CRACD: variants seen among roughly 807,000 people sequenced by gnomAD.
The protein encoded by CRACD is capping protein inhibiting regulator of actin dynamics.
A neutral mutation model predicts 106.8 loss-of-function variants in CRACD; 56 were observed. The ratio of observed to expected loss-of-function variants is 0.52; its 90% confidence interval spans 0.42 to 0.66. The LOEUF is 0.66. Among genes scored for constraint, CRACD ranks in the 30% least tolerant of loss-of-function variants. The pLI, the probability that CRACD is intolerant of heterozygous loss-of-function variation, is 0.00. For synonymous variants in CRACD, 754 were observed against 670.8 expected (o/e 1.12, Z -1.92); for missense variants, 1,730 against 1,623.2 (o/e 1.07, Z -1.13).
At chr4:56,140,610 C>G (rs35602914) in intron 1 of CRACD, among the ~76,000 whole-genome samples, 44,087 of 151,966 alleles carry the variant, frequency 0.29, 6,451 homozygotes, top group Middle Eastern at 0.35. Flanking sequence ...TGCACACAGA[C>G]ATACCTATTC....
intron 1 of CRACD, among the ~76,000 whole-genome samples, chr4:56,087,623 G>A (rs939309803): frequency 5.3e-5 from 8 of 152,074 alleles, no homozygotes; most frequent in African/African-American, 1.9e-4. Context: ...TTGCTGCCAA[G>A]TGTGCATCAC....
At chr4:56,067,787 A>G (rs1306648115) in intron 1 of CRACD, among the ~76,000 whole-genome samples, 2 of 152,042 alleles carry the variant, frequency 1.3e-5, no homozygotes, top group Admixed American at 6.6e-5. Context: ...TGTTGGCCAG[A>G]CTAGACCCGA....
At chr4:56,110,621 G>A (rs367572593) in intron 1 of CRACD, among the ~76,000 whole-genome samples, 3 of 151,714 alleles carry the variant, frequency 2.0e-5, no homozygotes, top group African/African-American at 7.3e-5. Context: ...TTTTGAGACA[G>A]GGTCTCATTC....
At chr4:56,273,522 CTTT>C (rs1376623537) in intron 3 of CRACD, among the ~76,000 whole-genome samples, 1 of 152,032 alleles carries the variant, frequency 6.6e-6, no homozygotes, top group East Asian at 1.9e-4. Context: ...TCAGGAAGTA[CTTT>C]CTTACCTGAG....
chr4:56,167,610 G>A (rs1577706528), intron 1 of CRACD, among the ~76,000 whole-genome samples: 1 of 152,118 alleles, frequency 6.6e-6, no homozygotes, highest in Non-Finnish European at 1.5e-5. Flanking sequence ...GCAATAATAC[G>A]TGGTATTTGT....
rs6829500 is a variant in CRACD at position 56,313,434 on chromosome 4, A to C, written c.537+55A>C. 4.0e-3 allele frequency: 5,966 copies of C among 1,508,946 alleles called. 165 individuals are homozygous for C. In the African/African-American group the frequency reaches 0.064, roughly 16 times the overall value. The allele number at this position is 1,508,946 out of a possible 1,614,324, so 93.5% of individuals were successfully genotyped here. On this transcript the variant is annotated intron_variant, in intron 7 of 10. Coordinates refer to ENST00000682029, the MANE Select transcript of CRACD (RefSeq NM_001393381.1). ...CAGGTGCCCTTGCCTACTGGGCACT[A>C]ATTCTACAAGTGGGTTGGCATTGGG...
intron 1 of CRACD, among the ~76,000 whole-genome samples, chr4:56,067,764 TG>T (rs1229889289): frequency 1.3e-5 from 2 of 152,028 alleles, no homozygotes; most frequent in East Asian, 3.9e-4. Flanking sequence ...TTAGTAGAGA[TG>T]GGGTTTCACC....
In CRACD at chr4:56,092,668, C is replaced by CAT. The variant is rs1733460739; in HGVS notation, c.-336+43371_-336+43372dup. ...CCCAGGCTGGAGTGCAGTGTGTGAT[C>CAT]ATACATCGTTGTAGCCTTAAACTCT... On this transcript the variant is annotated intron_variant, in intron 1 of 10. Transcript: ENST00000682029. Among the ~76,000 whole-genome samples, 3 of 152,064 alleles carry CAT rather than the reference C, an allele frequency of 2.0e-5. No individual in the cohort carries two copies. The South Asian group carries it at 6.2e-4, about 32-fold the overall frequency.
chr4:56,130,778 C>T (rs1734802028), intron 1 of CRACD, among the ~76,000 whole-genome samples: 1 of 151,888 alleles, frequency 6.6e-6, no homozygotes, highest in Admixed American at 6.6e-5. Context: ...TTACATTTTC[C>T]TTCTATTCCA....
chr4:56,088,727 C>T (rs1030721375), intron 1 of CRACD, among the ~76,000 whole-genome samples: 8 of 147,310 alleles, frequency 5.4e-5, no homozygotes, highest in Non-Finnish European at 1.1e-4. Flanking sequence ...ATATACTGTA[C>T]TTTTTTTTTT....
intron 1 of CRACD, among the ~76,000 whole-genome samples, chr4:56,112,187 G>A (rs909984372): frequency 1.3e-5 from 2 of 152,122 alleles, no homozygotes; most frequent in African/African-American, 2.4e-5. Flanking sequence ...TGCTTGCTTC[G>A]TGCAACGAAG....
chr4:56,230,125 A>G (rs1043569324), intron 2 of CRACD, among the ~76,000 whole-genome samples: 1 of 152,188 alleles, frequency 6.6e-6, no homozygotes, highest in Non-Finnish European at 1.5e-5. Flanking sequence ...TGCCCTGGGC[A>G]GGAAGAACTT....
At chr4:56,148,809 ATT>A (rs201226509) in intron 1 of CRACD, among the ~76,000 whole-genome samples, 5 of 142,762 alleles carry the variant, frequency 3.5e-5, no homozygotes, top group East Asian at 2.0e-4. Flanking sequence ...TTATCCTTAG[ATT>A]TTTTTTTTTT....
chr4:56,195,797 A>G (rs1234319824), intron 2 of CRACD, among the ~76,000 whole-genome samples: 1 of 152,182 alleles, frequency 6.6e-6, no homozygotes, highest in Non-Finnish European at 1.5e-5. Flanking sequence ...TGTTTTATCA[A>G]CCTGTTCTCT....
rs537840665 is a variant in CRACD at position 56,114,637 on chromosome 4, A to T, written c.-335-64647A>T. 3.3e-5 allele frequency among the ~76,000 whole-genome samples: 5 copies of T among 152,240 alleles called. No individual in the cohort carries two copies. In the East Asian group the frequency reaches 5.8e-4, roughly 18 times the overall value. ...GGGGCACTATTTCAAACTGTAGGGC[A>T]GGACTCATTAGAGGTGCATAATCAA... On this transcript the variant is annotated intron_variant, in intron 1 of 10. Coordinates refer to ENST00000682029, the MANE Select transcript of CRACD (RefSeq NM_001393381.1).
intron 2 of CRACD, among the ~76,000 whole-genome samples, chr4:56,229,093 T>C (rs1739472543): frequency 6.6e-6 from 1 of 152,210 alleles, no homozygotes; most frequent in Non-Finnish European, 1.5e-5. Flanking sequence ...AAGATTATGC[T>C]TGCAGGCATA....
At position 56,232,116 on chromosome 4, in the gene CRACD, C is replaced by T. The variant is rs756213966; in HGVS notation, c.-188-40205C>T. 5.3e-5 allele frequency among the ~76,000 whole-genome samples: 8 copies of T among 152,170 alleles called. No homozygotes were observed. In the East Asian group the frequency reaches 5.8e-4, roughly 11 times the overall value. The stretch of plus-strand genomic sequence containing the variant: ...TCCGCCTTCCTGCTCCTTATCGCTT[C>T]GTGTTTCTGCTCCCCTATTCATTGC... On this transcript the variant is annotated intron_variant, in intron 2 of 10. Coordinates refer to ENST00000682029, the MANE Select transcript of CRACD (RefSeq NM_001393381.1).
At chr4:56,072,539 G>A (rs1732695292) in intron 1 of CRACD, among the ~76,000 whole-genome samples, 1 of 152,096 alleles carries the variant, frequency 6.6e-6, no homozygotes, top group Non-Finnish European at 1.5e-5. Context: ...GTGGTTTTTA[G>A]TATATTCACA....
chr4:56,062,742 C>A (rs1732323718), intron 1 of CRACD, among the ~76,000 whole-genome samples: 1 of 152,164 alleles, frequency 6.6e-6, no homozygotes, highest in African/African-American at 2.4e-5. Context: ...GTGAAACTAG[C>A]CCTGACTGAA....
Sources: gnomAD v4.1 joint callset for allele counts (sites outside exome capture counted in the v4.1 genomes callset) on GRCh38, gnomAD v4.1.1 for gene constraint, MANE v1.5 for transcripts, NCBI Gene and HGNC (gene_info 2026-07-23, HGNC 2026-07-21) for gene names.